TIAM1: variants seen among roughly 807,000 people sequenced by gnomAD.
TIAM1 encodes TIAM Rac1 associated GEF 1, also known as rho guanine nucleotide exchange factor TIAM1.
Under a neutral mutation model 163.5 loss-of-function variants are expected in TIAM1, and 65 were observed. The ratio of observed to expected loss-of-function variants is 0.40; its 90% CI spans 0.33 to 0.49. The LOEUF is 0.49. Among genes scored for constraint, TIAM1 ranks in the 20% least tolerant of loss-of-function variants. The pLI is 0.77. For synonymous variants in TIAM1, 833 were observed against 810.1 expected (o/e 1.03, Z -0.48); for missense variants, 1,789 against 2,044.7 (o/e 0.87, Z 2.41).
rs566206535 is a variant in TIAM1 at position 31,212,207 on chromosome 21, G to T, written c.2217+1191C>A. Among the ~76,000 whole-genome samples, 156 of 152,190 alleles carry T rather than the reference G, an allele frequency of 1.0e-3. 1 individual carries two copies. The highest frequency in any genetic ancestry group is 3.5e-3 in the African/African-American group (147 of 41,522). On this transcript the variant is annotated intron_variant, in intron 10 of 27. Transcript: ENST00000541036. ...TGAAGGAAAGAAAAGGCCTTCCCAT[G>T]GCCACTCTTCTCTCTTCCCCTCCAA...
intron 2 of TIAM1, among the ~76,000 whole-genome samples, chr21:31,422,487 A>G (rs1175543164): frequency 6.6e-6 from 1 of 152,128 alleles, no homozygotes; most frequent in African/African-American, 2.4e-5. Context: ...TGGTATTTTT[A>G]ACAAGGAACC....
At chr21:31,236,061 G>A (rs1008618268) in intron 6 of TIAM1, among the ~76,000 whole-genome samples, 1 of 152,222 alleles carries the variant, frequency 6.6e-6, no homozygotes, top group Non-Finnish European at 1.5e-5. Flanking sequence ...GGTTTCAGGA[G>A]GTTTCTCCCC....
intron 2 of TIAM1, among the ~76,000 whole-genome samples, chr21:31,454,528 G>A (rs2833407): frequency 0.29 from 43,725 of 152,004 alleles, 7,265 homozygotes; most frequent in East Asian, 0.65. Flanking sequence ...GTCACTGAGT[G>A]GGGTGTCCAA....
chr21:31,286,201 C>T (rs1601828654), intron 2 of TIAM1, among the ~76,000 whole-genome samples: 1 of 152,064 alleles, frequency 6.6e-6, no homozygotes, highest in East Asian at 1.9e-4. Context: ...GGATTTTAAT[C>T]AAAGACTAAA....
intron 8 of TIAM1, among the ~76,000 whole-genome samples, chr21:31,218,160 A>C (rs954640427): frequency 7.2e-5 from 11 of 152,180 alleles, no homozygotes; most frequent in African/African-American, 2.7e-4. Context: ...TTAAATCTAA[A>C]ATTACCAATC....
In TIAM1 at chr21:31,296,385, G is replaced by A. The variant is rs1456345883; in HGVS notation, c.-188-19477C>T. Among the ~76,000 whole-genome samples, 4 of 152,230 alleles carry A rather than the reference G, an allele frequency of 2.6e-5. No homozygotes were observed. In the East Asian group the frequency reaches 7.8e-4, roughly 30 times the overall value. On this transcript the variant is annotated intron_variant, in intron 2 of 27. Transcript: ENST00000541036. ...ATTTTCGACTATTTATATGTGAAGT[G>A]GATGATCTTCACCTAAAAGTGACAG...
rs551690393 is a variant in TIAM1 at position 31,223,652 on chromosome 21, C to T, written c.1810-61G>A. On this transcript the variant is annotated intron_variant, in intron 7 of 27. Transcript: ENST00000541036. The stretch of plus-strand genomic sequence containing the variant: ...GAAAATGGGAAACAAATGCTAATAT[C>T]TTTATCCTATACAGATCTATATGTC... 3.9e-6 allele frequency: 6 copies of T among 1,524,254 alleles called. No homozygotes were observed. The South Asian group carries it at 5.1e-5, about 13-fold the overall frequency. The allele number at this position is 1,524,254 out of a possible 1,614,324, so 94.4% of individuals were successfully genotyped here.
chr21:31,324,990 T>A (rs1380222989), intron 2 of TIAM1, among the ~76,000 whole-genome samples: 1 of 151,974 alleles, frequency 6.6e-6, no homozygotes, highest in African/African-American at 2.4e-5. Context: ...CAGAAGTATT[T>A]TTTTACAGGC....
chr21:31,379,012 C>T (rs1004238315), intron 2 of TIAM1, among the ~76,000 whole-genome samples: 6 of 152,174 alleles, frequency 3.9e-5, no homozygotes, highest in South Asian at 2.1e-4. Flanking sequence ...CGCTCTGTCG[C>T]CCAGTTGACA....
intron 2 of TIAM1, among the ~76,000 whole-genome samples, chr21:31,357,575 C>G (rs1344263393): frequency 6.6e-6 from 1 of 152,184 alleles, no homozygotes; most frequent in African/African-American, 2.4e-5. Context: ...CAATTTTCCT[C>G]TCTCTCCTCC....
chr21:31,379,218 C>T (rs1011038685), intron 2 of TIAM1, among the ~76,000 whole-genome samples: 3 of 152,168 alleles, frequency 2.0e-5, no homozygotes, highest in African/African-American at 7.2e-5. Context: ...GTGATCTGCC[C>T]ACCTCAGCCT....
At chr21:31,538,245 A>G (rs2048203910) in intron 1 of TIAM1, among the ~76,000 whole-genome samples, 1 of 152,180 alleles carries the variant, frequency 6.6e-6, no homozygotes, top group Non-Finnish European at 1.5e-5. Context: ...ATAATTTTTT[A>G]ATTAAATACA....
intron 2 of TIAM1, among the ~76,000 whole-genome samples, chr21:31,429,330 T>A (rs1003410382): frequency 6.6e-6 from 1 of 152,104 alleles, no homozygotes; most frequent in Non-Finnish European, 1.5e-5. Flanking sequence ...TTGTGGAAAG[T>A]AAATTGGCAA....
intron 25 of TIAM1, among the ~76,000 whole-genome samples, chr21:31,128,372 A>G (rs879291524): frequency 6.6e-6 from 1 of 152,214 alleles, no homozygotes; most frequent in Non-Finnish European, 1.5e-5. Flanking sequence ...CTTGAATGAA[A>G]AATAGAGAGT....
chr21:31,239,824 A>G (rs1265473009), intron 6 of TIAM1, among the ~76,000 whole-genome samples: 1 of 152,232 alleles, frequency 6.6e-6, no homozygotes, highest in East Asian at 1.9e-4. Flanking sequence ...ATTTTAAAAA[A>G]TCTCAGTATC....
intron 19 of TIAM1, among the ~76,000 whole-genome samples, chr21:31,150,063 A>C (rs2083306793): frequency 6.6e-6 from 1 of 152,220 alleles, no homozygotes; most frequent in Non-Finnish European, 1.5e-5. Context: ...AGGGAAAGAA[A>C]GAATAAAGCA....
At position 31,127,103 on chromosome 21, in the gene TIAM1, A is replaced by G. The variant is rs765194239; in HGVS notation, c.4095T>C (p.Ser1365=). Residue 1365 remains serine, a synonymous_variant, in exon 26 of 28, where the codon TCT becomes TCC. Transcript: ENST00000541036. ...GAAAGACCCTCTCCGGCCTCCCTTC[A>G]GACTCGGATTTTACATGGACAATTT... is the stretch of plus-strand genomic sequence containing the variant. ...VCEIVHVKSE[S]EGRPERVFHL... is the part of the protein sequence containing the mutation. 1.2e-6 allele frequency: 2 copies of G among 1,614,090 alleles called. No homozygotes were observed. Among genetic ancestry groups the G allele is most frequent in the Non-Finnish European group, 1.7e-6 (2 of 1,179,940 alleles).
chr21:31,456,156 A>G (rs954522791), intron 2 of TIAM1, among the ~76,000 whole-genome samples: 2 of 152,238 alleles, frequency 1.3e-5, no homozygotes, highest in Admixed American at 6.5e-5. Context: ...TCTCTTTTGC[A>G]TTATATTCTT....
At chr21:31,401,747 A>C (rs2147219688) in intron 2 of TIAM1, among the ~76,000 whole-genome samples, 1 of 151,886 alleles carries the variant, frequency 6.6e-6, no homozygotes, top group Middle Eastern at 3.4e-3. Flanking sequence ...CATCTCTACA[A>C]AAAATATAAA....
Sources: gnomAD v4.1 joint callset for allele counts (sites outside exome capture counted in the v4.1 genomes callset) on GRCh38, gnomAD v4.1.1 for gene constraint, MANE v1.5 for transcripts, NCBI Gene and HGNC (gene_info 2026-07-23, HGNC 2026-07-21) for gene names.